Variants in POC1B observed in about 807,000 individuals in gnomAD.
POC1B encodes the protein POC1 centriolar protein B.
In POC1B, 44 loss-of-function variants were observed where a neutral mutation model predicts 60.6. The ratio of observed to expected loss-of-function variants is 0.73; its 90% CI spans 0.57 to 0.93. POC1B has a LOEUF of 0.93. Among genes scored for constraint, POC1B ranks in the 40% least tolerant of loss-of-function variants. POC1B has a pLI of 0.00. For missense variants in POC1B, 555 were observed against 572.3 expected (o/e 0.97, Z 0.31); for synonymous variants, 180 against 198.9 (o/e 0.90, Z 0.80).
chr12:89,403,255 C>A, the POC1B span, among the ~76,000 whole-genome samples: 1 of 152,170 alleles, frequency 6.6e-6, no homozygotes, highest in African/African-American at 2.4e-5. Flanking sequence ...TGTCTGCTCG[C>A]CTTGGCCTCC....
intron 2 of POC1B, chr12:89,502,443 G>T (rs866813443): frequency 3.1e-6 from 4 of 1,270,784 alleles, no homozygotes; most frequent in Admixed American, 3.7e-5. Flanking sequence ...GCAAAATATC[G>T]TCTAAAAGGA....
At chr12:89,422,022 G>A (rs1418952697) in intron 11 of POC1B, among the ~76,000 whole-genome samples, 2 of 149,802 alleles carry the variant, frequency 1.3e-5, no homozygotes, top group Non-Finnish European at 3.0e-5. Flanking sequence ...TGGCTACTCT[G>A]CCTTCATTCT....
At chr12:89,494,029 C>T (rs1004053055) in intron 3 of POC1B, among the ~76,000 whole-genome samples, 1 of 152,106 alleles carries the variant, frequency 6.6e-6, no homozygotes, top group Non-Finnish European at 1.5e-5. Context: ...CTTGCTCCTA[C>T]CTATTCTTTT....
intron 10 of POC1B, among the ~76,000 whole-genome samples, chr12:89,456,740 G>A (rs1882277585): frequency 6.6e-6 from 1 of 151,834 alleles, no homozygotes; most frequent in Non-Finnish European, 1.5e-5. Flanking sequence ...TGGCATTAGA[G>A]ACACAAGTGC....
At chr12:89,417,557 G>A (rs1488893631), downstream of POC1B, among the ~76,000 whole-genome samples, 2 of 152,182 alleles carry the variant, frequency 1.3e-5, no homozygotes, top group African/African-American at 4.8e-5. Context: ...AAGCAAATGA[G>A]AAGTTATCTT....
At chr12:89,441,106 A>C (rs947875648) in intron 10 of POC1B, among the ~76,000 whole-genome samples, 4 of 152,184 alleles carry the variant, frequency 2.6e-5, no homozygotes, top group Admixed American at 1.3e-4. Context: ...TAGATAAACA[A>C]AGTTGCCAGG....
chr12:89,452,744 G>A (rs1488048628), intron 10 of POC1B, among the ~76,000 whole-genome samples: 2 of 151,468 alleles, frequency 1.3e-5, no homozygotes, highest in African/African-American at 2.4e-5. Flanking sequence ...CTTTTATTAC[G>A]GTGATACTGT....
chr12:89,503,250 G>A (rs956924140), intron 2 of POC1B, among the ~76,000 whole-genome samples: 41 of 147,686 alleles, frequency 2.8e-4, no homozygotes, highest in African/African-American at 8.7e-4. Flanking sequence ...GAGTGCCTGC[G>A]ATTGCAGGCA....
intron 4 of POC1B, among the ~76,000 whole-genome samples, chr12:89,482,021 C>A (rs1246712594): frequency 3.3e-5 from 5 of 152,094 alleles, no homozygotes; most frequent in Non-Finnish European, 4.4e-5. Flanking sequence ...AATCTAAACT[C>A]AAAAATTTAG....
At chr12:89,430,217 A>G (rs1044191547) in intron 10 of POC1B, among the ~76,000 whole-genome samples, 1 of 152,220 alleles carries the variant, frequency 6.6e-6, no homozygotes, top group Non-Finnish European at 1.5e-5. Context: ...TAAAAGATAC[A>G]GATCTGACTG....
At chr12:89,523,799 C>T in intron 2 of POC1B, 1 of 1,535,200 alleles carries the variant, frequency 6.5e-7, no homozygotes, top group Non-Finnish European at 8.7e-7. Context: ...GGACACACAA[C>T]TGCTGTTTCA....
chr12:89,516,672 A>T, intron 2 of POC1B, among the ~76,000 whole-genome samples: 1 of 152,216 alleles, frequency 6.6e-6, no homozygotes. Context: ...ACCTGGAGGC[A>T]TAAAACAACA....
chr12:89,448,855 C>A (rs1881906270), intron 10 of POC1B, among the ~76,000 whole-genome samples: 1 of 152,114 alleles, frequency 6.6e-6, no homozygotes, highest in South Asian at 2.1e-4. Flanking sequence ...ATGTACTTGG[C>A]AAGTAGGAAT....
intron 4 of POC1B, among the ~76,000 whole-genome samples, chr12:89,473,936 G>A (rs1883007485): frequency 6.6e-6 from 1 of 151,982 alleles, no homozygotes; most frequent in Admixed American, 6.6e-5. Context: ...CAGGCGCGGT[G>A]GCTCATGCCT....
At chr12:89,513,706 G>T (rs1870298690) in intron 2 of POC1B, among the ~76,000 whole-genome samples, 1 of 152,158 alleles carries the variant, frequency 6.6e-6, no homozygotes, top group Admixed American at 6.5e-5. Flanking sequence ...CTGGTCCATG[G>T]CCTATTAGGA....
chr12:89,464,198 G>A (rs1291560292), intron 9 of POC1B, among the ~76,000 whole-genome samples: 4 of 152,176 alleles, frequency 2.6e-5, no homozygotes, highest in Admixed American at 6.5e-5. Flanking sequence ...CCAAGTAACT[G>A]CATGTAAATT....
intron 7 of POC1B, among the ~76,000 whole-genome samples, chr12:89,470,026 C>T (rs1882828040): frequency 6.6e-6 from 1 of 152,030 alleles, no homozygotes; most frequent in Middle Eastern, 3.2e-3. Context: ...CATGTGCCAC[C>T]ACACCTGGCT....
intron 2 of POC1B, chr12:89,524,068 G>A: frequency 1.2e-6 from 2 of 1,613,800 alleles, no homozygotes; most frequent in South Asian, 1.1e-5. Flanking sequence ...TGCAGGAGAA[G>A]TTTCTAAAAC....
Position 89,505,631 on chromosome 12 carries a change from C to G in POC1B, c.101-8289G>C, listed in dbSNP as rs75948714. Among the ~76,000 whole-genome samples, 1,032 of 152,292 alleles carry G rather than the reference C, an allele frequency of 6.8e-3. 12 individuals are homozygous for G. Among genetic ancestry groups the G allele is most frequent in the African/African-American group, 0.024 (995 of 41,560 alleles). ...CGGAGATGCTGGTAATGTTATGCTTCTCACTCTGGGTTTTGGTTAAATAAG... is the reference window on the plus strand; with the variant it reads ...CGGAGATGCTGGTAATGTTATGCTTGTCACTCTGGGTTTTGGTTAAATAAG... On this transcript the variant is annotated intron_variant, in intron 2 of 11. Coordinates refer to ENST00000313546, the MANE Select transcript of POC1B (RefSeq NM_172240.3).
Sources: gnomAD v4.1 joint callset for allele counts (sites outside exome capture counted in the v4.1 genomes callset) on GRCh38, gnomAD v4.1.1 for gene constraint, MANE v1.5 for transcripts, NCBI Gene and HGNC (gene_info 2026-07-23, HGNC 2026-07-21) for gene names.